The following ARHGEF26 variants were observed in gnomAD, a reference collection of about 807,000 sequenced individuals.
ARHGEF26 encodes the protein Rho guanine nucleotide exchange factor (GEF) 26.
ARHGEF26 carries 59 observed loss-of-function variants against 89.4 expected under a neutral mutation model. The ratio of observed to expected loss-of-function variants is 0.66; its 90% CI spans 0.54 to 0.82. The LOEUF (loss-of-function observed/expected upper bound fraction) is 0.82. Ranked by LOEUF, ARHGEF26 falls within the 40% of genes least tolerant of loss-of-function variation. The probability of loss-of-function intolerance (pLI) is 0.00; values close to 1 mark genes in which losing one functional copy is unlikely to be tolerated. For missense variants in ARHGEF26, 1,234 were observed against 1,085.6 expected, an observed-to-expected ratio of 1.14 and a Z score of -1.92; for synonymous variants, 500 against 428.4, an observed-to-expected ratio of 1.17 and a Z score of -2.06.
intron 3 of ARHGEF26, among the ~76,000 whole-genome samples, chr3:154,126,495 A>G (rs1023509419): frequency 1.3e-5 from 2 of 152,046 alleles, no homozygotes; most frequent in African/African-American, 4.8e-5. Flanking sequence ...TTCGTTGACT[A>G]CCCCAATAGC....
Position 154,124,393 on chromosome 3 carries a change from T to A in ARHGEF26, c.1084-17T>A. On this transcript the variant is annotated splice_polypyrimidine_tract_variant and intron_variant, in intron 2 of 14. Transcript: ENST00000465093. ...TTTCCTTTTTTTTTTTTTTTTTTAC[T>A]TTTTTTTGTCTCTTAGAAAAAAATG... 4 of 1,380,162 alleles carry A rather than the reference T, an allele frequency of 2.9e-6. No individual in the cohort carries two copies. Among genetic ancestry groups the A allele is most frequent in the Non-Finnish European group, 2.9e-6 (3 of 1,037,024 alleles). 85.5% of individuals were successfully genotyped at this position (1,380,162 alleles called of 1,614,324 possible).
At chr3:154,181,986 G>C (rs1381732552) in intron 6 of ARHGEF26, among the ~76,000 whole-genome samples, 1 of 151,486 alleles carries the variant, frequency 6.6e-6, no homozygotes. Context: ...ATATTTGACT[G>C]TCTCCTATAT....
At chr3:154,175,210 T>C (rs905948195) in intron 6 of ARHGEF26, among the ~76,000 whole-genome samples, 1 of 152,218 alleles carries the variant, frequency 6.6e-6, no homozygotes, top group African/African-American at 2.4e-5. Context: ...CTTTGACCTC[T>C]GTTCCTACAC....
chr3:154,184,075 C>T (rs998268678), intron 6 of ARHGEF26, among the ~76,000 whole-genome samples: 21 of 151,252 alleles, frequency 1.4e-4, no homozygotes, highest in African/African-American at 5.1e-4. Flanking sequence ...TGGGTTCACG[C>T]CATTCTCCTG....
At chr3:154,219,530 G>A (rs1017597449) in intron 10 of ARHGEF26, among the ~76,000 whole-genome samples, 8 of 151,462 alleles carry the variant, frequency 5.3e-5, no homozygotes, top group Non-Finnish European at 1.0e-4. Context: ...AAGAGGCAGA[G>A]GTTGCATTGA....
rs368654826 is a variant in ARHGEF26 at position 154,240,481 on chromosome 3, C to G, written c.2202C>G (p.Leu734=). The G allele has an allele frequency of 9.3e-5, 150 of 1,613,268 alleles. 1 individual carries two copies. The highest frequency in any genetic ancestry group is 6.6e-4 in the Middle Eastern group (4 of 6,078). ...SSPGKNSSTM[L]YSRQSSASHL... ...CAGGGAAGAACAGCTCCACAATGCTCTATTCAAGACAGAGCTCTGCCAGTC... is the reference window on the plus strand; with the variant it reads ...CAGGGAAGAACAGCTCCACAATGCTGTATTCAAGACAGAGCTCTGCCAGTC... Residue 734 remains leucine (L), a synonymous_variant, in exon 12 of 15, where the codon CTC becomes CTG. Coordinates refer to ENST00000465093, the MANE Select transcript of ARHGEF26 (RefSeq NM_015595.4).
intron 6 of ARHGEF26, among the ~76,000 whole-genome samples, chr3:154,164,047 G>A (rs2695845): frequency 0.91 from 138,269 of 152,172 alleles, 63,041 homozygotes; most frequent in East Asian, 1. Flanking sequence ...AATTCAGGTT[G>A]TAATTTTCTG....
chr3:154,239,683 G>C (rs548513074), intron 11 of ARHGEF26, among the ~76,000 whole-genome samples: 1 of 152,270 alleles, frequency 6.6e-6, no homozygotes, highest in South Asian at 2.1e-4. Context: ...AGAGGGTACA[G>C]TGGAAGGGGT....
chr3:154,184,749 C>T (rs1259696921), intron 6 of ARHGEF26, among the ~76,000 whole-genome samples: 1 of 152,240 alleles, frequency 6.6e-6, no homozygotes, highest in Non-Finnish European at 1.5e-5. Flanking sequence ...TACTAGTAAT[C>T]CATCCTTGCT....
At chr3:154,242,636 C>T (rs965048436) in intron 12 of ARHGEF26, among the ~76,000 whole-genome samples, 36 of 152,128 alleles carry the variant, frequency 2.4e-4, no homozygotes, top group African/African-American at 7.5e-4. Context: ...AAGTTTGAGA[C>T]GATTGACTCC....
At chr3:154,167,708 G>A (rs564642376) in intron 6 of ARHGEF26, among the ~76,000 whole-genome samples, 49 of 152,194 alleles carry the variant, frequency 3.2e-4, no homozygotes, top group East Asian at 3.1e-3. Context: ...TGCAAAATAC[G>A]AAACATATTT....
chr3:154,231,965 G>A (rs1483520775), intron 11 of ARHGEF26, among the ~76,000 whole-genome samples: 2 of 151,572 alleles, frequency 1.3e-5, no homozygotes, highest in East Asian at 3.9e-4. Context: ...TGAAAAATGT[G>A]AAATAAATAG....
At chr3:154,241,268 T>C (rs1184775266) in intron 12 of ARHGEF26, among the ~76,000 whole-genome samples, 1 of 152,156 alleles carries the variant, frequency 6.6e-6, no homozygotes, top group African/African-American at 2.4e-5. Context: ...CCTCTTGCAA[T>C]AATCATCATG....
intron 9 of ARHGEF26, among the ~76,000 whole-genome samples, chr3:154,200,395 C>CT (rs2108207983): frequency 6.6e-6 from 1 of 152,060 alleles, no homozygotes; most frequent in Middle Eastern, 3.4e-3. Flanking sequence ...TTTCTAAGTT[C>CT]TTTTTTCTGC....
intron 6 of ARHGEF26, among the ~76,000 whole-genome samples, chr3:154,158,725 A>G (rs1218325172): frequency 6.6e-6 from 1 of 152,168 alleles, no homozygotes; most frequent in Non-Finnish European, 1.5e-5. Flanking sequence ...TCAATTAGAA[A>G]TGAATAGGCT....
intron 9 of ARHGEF26, among the ~76,000 whole-genome samples, chr3:154,197,032 G>GGCAAGAGAGA: frequency 6.6e-6 from 1 of 151,936 alleles, no homozygotes; most frequent in Non-Finnish European, 1.5e-5. Context: ...GGCATCTCTT[G>GGCAAGAGAGA]TTCACTTGAT....
intron 5 of ARHGEF26, among the ~76,000 whole-genome samples, chr3:154,150,885 T>C (rs1366412554): frequency 6.6e-6 from 1 of 152,222 alleles, no homozygotes; most frequent in Non-Finnish European, 1.5e-5. Context: ...CTAATTTGCT[T>C]TTAAATAGTT....
chr3:154,206,474 C>A (rs367931388), intron 9 of ARHGEF26, among the ~76,000 whole-genome samples: 1 of 152,036 alleles, frequency 6.6e-6, no homozygotes, highest in Non-Finnish European at 1.5e-5. Flanking sequence ...CAAGAGTGGG[C>A]GATCCAAGAG....
At chr3:154,130,069 G>A (rs1718589806) in intron 4 of ARHGEF26, among the ~76,000 whole-genome samples, 1 of 151,494 alleles carries the variant, frequency 6.6e-6, no homozygotes, top group Admixed American at 6.6e-5. Context: ...GTATGTATGC[G>A]TGTATATGTA....
Sources: allele counts gnomAD v4.1 joint callset (sites outside exome capture counted in the v4.1 genomes callset), GRCh38; gene constraint gnomAD v4.1.1; transcripts MANE v1.5; gene names NCBI Gene and HGNC (gene_info 2026-07-23, HGNC 2026-07-21).